Variants in USP34 observed in about 807,000 individuals in gnomAD.
USP34 encodes the protein ubiquitin specific peptidase 34.
A neutral mutation model predicts 460.3 loss-of-function variants in USP34; 70 were observed. That is an observed-to-expected ratio of 0.15 (90% confidence interval 0.13 to 0.19). The LOEUF is 0.19. Among genes scored for constraint, USP34 ranks in the 10% least tolerant of loss-of-function variants. The pLI is 1.00. For synonymous variants in USP34, 1,647 were observed against 1,405.3 expected (o/e 1.17, Z -3.85); for missense variants, 3,985 against 4,236.2 (o/e 0.94, Z 1.65).
At chr2:61,282,775 G>A (rs1689571450) in intron 37 of USP34, among the ~76,000 whole-genome samples, 1 of 151,830 alleles carries the variant, frequency 6.6e-6, no homozygotes, top group African/African-American at 2.4e-5. Flanking sequence ...GGGTGATACA[G>A]GGAACAGGGA....
chr2:61,306,656 G>C (rs1690413968), intron 27 of USP34, among the ~76,000 whole-genome samples: 1 of 152,102 alleles, frequency 6.6e-6, no homozygotes, highest in African/African-American at 2.4e-5. Context: ...ACCTTGGTCA[G>C]TATGGCCAGA....
At chr2:61,378,924 A>C (rs1317534320) in intron 7 of USP34, among the ~76,000 whole-genome samples, 1 of 148,238 alleles carries the variant, frequency 6.7e-6, no homozygotes, top group Non-Finnish European at 1.5e-5. Flanking sequence ...AAAAAAAAAA[A>C]AAAAAAAAAA....
Position 61,283,053 on chromosome 2 carries a change from C to T in USP34, c.4998+92G>A. The T allele has an allele frequency of 3.0e-6, 4 of 1,326,004 alleles. 1 individual carries two copies. In the South Asian group the frequency reaches 5.3e-5, roughly 18 times the overall value. 82.1% of individuals were successfully genotyped at this position (1,326,004 alleles called of 1,614,324 possible). A position where few individuals can be genotyped will look rare whatever the true frequency, so the allele number is the denominator to read the frequency against. On this transcript the variant is annotated intron_variant, in intron 37 of 79. Coordinates refer to ENST00000398571, the MANE Select transcript of USP34 (RefSeq NM_014709.4). ...AATGTGATATATTTATGGACTCACG[C>T]ATATTTGTTTCCATTAGCTCTTTTA...
chr2:61,277,086 A>C (rs1318469467), intron 41 of USP34, among the ~76,000 whole-genome samples: 1 of 152,210 alleles, frequency 6.6e-6, no homozygotes, highest in Non-Finnish European at 1.5e-5. Context: ...TCAGAGATAG[A>C]TTTCATGTCA....
At chr2:61,223,505 C>T in intron 62 of USP34, 1 of 532,444 alleles carries the variant, frequency 1.9e-6, no homozygotes, top group Non-Finnish European at 3.3e-6. Flanking sequence ...CCCAAATGTA[C>T]TTCATTTTCA....
In USP34 at chr2:61,206,044, G is replaced by T. The variant is rs1388523194; in HGVS notation, c.9127C>A (p.Pro3043Thr). 1 of 1,613,578 alleles carries T rather than the reference G, an allele frequency of 6.2e-7. No individual in the cohort carries two copies. The highest frequency in any genetic ancestry group is 1.1e-5 in the South Asian group (1 of 91,048). ...KLLTLLNSYS[P>T]PELRNACIDV... ...ATACAGGCATTTCTAAGTTCTGGAG[G>T]ACTATAGGAATTAAGAAGAGTTAAC... The change falls in exon 72 of 80, where the codon CCT becomes ACT. Residue 3043 changes from proline to threonine, a missense_variant. Transcript: ENST00000398571.
chr2:61,452,352 T>G (rs1208633238), intron 1 of USP34, among the ~76,000 whole-genome samples: 1 of 123,430 alleles, frequency 8.1e-6, no homozygotes, highest in African/African-American at 3.1e-5. Context: ...TGAGACAGAG[T>G]CTCACTCTGT....
At chr2:61,349,654 C>G (rs977360210) in intron 12 of USP34, among the ~76,000 whole-genome samples, 4 of 152,090 alleles carry the variant, frequency 2.6e-5, no homozygotes, top group Admixed American at 1.3e-4. Context: ...TCCTGGCTAA[C>G]ACGGTGAAAC....
intron 33 of USP34, 67 bp from the exon 34 acceptor site, chr2:61,288,944 G>A: frequency 6.7e-7 from 1 of 1,489,176 alleles, no homozygotes; most frequent in South Asian, 1.2e-5. Flanking sequence ...ATACAATTTT[G>A]AAATTAAAAG....
chr2:61,232,841 A>G (rs1168305189), intron 57 of USP34, among the ~76,000 whole-genome samples: 2 of 132,868 alleles, frequency 1.5e-5, no homozygotes, highest in Non-Finnish European at 3.2e-5. Context: ...GTTCTTATTA[A>G]TTATATATAT....
intron 8 of USP34, among the ~76,000 whole-genome samples, chr2:61,373,581 G>A (rs1692696773): frequency 6.6e-6 from 1 of 152,128 alleles, no homozygotes; most frequent in South Asian, 2.1e-4. Context: ...AAAGGATCAA[G>A]TTACCAGGAA....
At chr2:61,406,458 G>A (rs1348318284) in intron 2 of USP34, among the ~76,000 whole-genome samples, 1 of 152,072 alleles carries the variant, frequency 6.6e-6, no homozygotes, top group Non-Finnish European at 1.5e-5. Flanking sequence ...TGTTTAGCAA[G>A]TTATTAGGAA....
chr2:61,310,478 G>T lies in USP34; in HGVS notation c.3817+1062C>A, dbSNP rs1162191395. Among the ~76,000 whole-genome samples the T allele has an allele frequency of 1.8e-4, 28 of 151,538 alleles. 1 individual carries two copies. ...TCTAAGATAATGATATGCCCTACAAGCAAACAGAACAGTAAAAATAGAATT... is the reference window on the plus strand; with the variant it reads ...TCTAAGATAATGATATGCCCTACAATCAAACAGAACAGTAAAAATAGAATT... On this transcript the variant is annotated intron_variant, in intron 27 of 79. Coordinates refer to ENST00000398571, the MANE Select transcript of USP34 (RefSeq NM_014709.4).
chr2:61,207,530 C>T (rs1240411395), intron 70 of USP34: 1 of 152,320 alleles, frequency 6.6e-6, no homozygotes, highest in African/African-American at 2.4e-5. Context: ...TGCAGCAGTA[C>T]CTAATATGAA....
At chr2:61,394,763 C>A in intron 5 of USP34, 90 bp downstream of exon 5, 1 of 1,102,440 alleles carries the variant, frequency 9.1e-7, no homozygotes, top group South Asian at 3.2e-5. Context: ...GCAAATCATT[C>A]AAAACCTTCC....
chr2:61,363,770 C>T (rs1032233530), intron 10 of USP34, among the ~76,000 whole-genome samples: 8 of 152,270 alleles, frequency 5.3e-5, no homozygotes, highest in African/African-American at 1.4e-4. Context: ...TTCACAGCAG[C>T]ATTACTCATA....
chr2:61,256,515 T>G, intron 47 of USP34, 37 bp from the exon 48 acceptor site: 1 of 1,454,410 alleles, frequency 6.9e-7, no homozygotes, highest in Non-Finnish European at 9.3e-7. Context: ...TTCATATTAT[T>G]GTTTATAGCA....
At chr2:61,395,118 T>C (rs1693476813) in intron 4 of USP34, 65 bp downstream of exon 4, 3 of 1,440,224 alleles carry the variant, frequency 2.1e-6, no homozygotes, top group Non-Finnish European at 2.8e-6. Flanking sequence ...TAATAAAACA[T>C]ATGGATGAGG....
At chr2:61,232,315 A>G in intron 58 of USP34, 137 bp downstream of exon 58, 1 of 704,412 alleles carries the variant, frequency 1.4e-6, no homozygotes, top group Non-Finnish European at 2.4e-6. Context: ...CAACAAAATG[A>G]CTTTTATGAT....
Sources: allele counts gnomAD v4.1 joint callset (sites outside exome capture counted in the v4.1 genomes callset), GRCh38; gene constraint gnomAD v4.1.1; transcripts MANE v1.5; gene names NCBI Gene and HGNC (gene_info 2026-07-23, HGNC 2026-07-21).